AK7: variants seen among roughly 807,000 people sequenced by gnomAD.
AK7 encodes ATP-AMP transphosphorylase 7.
AK7 carries 78 observed loss-of-function variants against 96.6 expected under a neutral mutation model. The observed-to-expected ratio is 0.81, with a 90% CI of 0.67 to 0.97. The LOEUF (loss-of-function observed/expected upper bound fraction) is 0.97, where lower values mean the gene tolerates loss of function less well. Ranked by LOEUF, AK7 falls within the 50% of genes least tolerant of loss-of-function variation. The pLI, the probability that AK7 is intolerant of heterozygous loss-of-function variation, is 0.00. For missense variants in AK7, 855 were observed against 887.9 expected (o/e 0.96, Z 0.47); for synonymous variants, 302 against 317.2 (o/e 0.95, Z 0.51).
At chr14:96,442,635 G>T in intron 6 of AK7, 95 bp from the exon 7 acceptor site, 1 of 915,348 alleles carries the variant, frequency 1.1e-6, no homozygotes, top group East Asian at 2.4e-5. Context: ...AGATAGCTAG[G>T]CCTTTCAGTT....
intron 4 of AK7, among the ~76,000 whole-genome samples, chr14:96,418,422 C>T (rs1454337011): frequency 1.3e-5 from 2 of 151,336 alleles, no homozygotes; most frequent in Admixed American, 1.3e-4. Flanking sequence ...GATAATCTGG[C>T]TCTCACCTAC....
intron 5 of AK7, among the ~76,000 whole-genome samples, chr14:96,437,043 AGAGAGTAGAGGCT>A (rs1892676513): frequency 8.1e-6 from 1 of 123,898 alleles, no homozygotes; most frequent in South Asian, 3.0e-4. Context: ...ATATTGAGGC[AGAGAGTAGAGGCT>A]GAGAAGGGTA....
chr14:96,392,364 G>A (rs1595359655), intron 1 of AK7, 105 bp downstream of exon 1: 2 of 1,012,986 alleles, frequency 2.0e-6, no homozygotes, highest in East Asian at 5.0e-5. Context: ...GGCGCTGTCG[G>A]GGCCTTTCCT....
chr14:96,461,020 T>C (rs1241019324), intron 12 of AK7, among the ~76,000 whole-genome samples: 1 of 152,202 alleles, frequency 6.6e-6, no homozygotes, highest in Non-Finnish European at 1.5e-5. Context: ...TTCTGCTTCA[T>C]TGTGAGCTGC....
intron 14 of AK7, among the ~76,000 whole-genome samples, chr14:96,477,362 C>A (rs536280527): frequency 1.3e-5 from 2 of 152,150 alleles, no homozygotes; most frequent in Non-Finnish European, 2.9e-5. Flanking sequence ...TGCAAGTAAA[C>A]GAGAATGGCA....
At position 96,488,515 on chromosome 14, in the gene AK7, T is replaced by A; in HGVS notation, c.*172T>A. ...AAGCTATATGACATGACTATGTCATTAAAACTATATTTGAAATGTAAATTG... is the reference window on the plus strand; with the variant it reads ...AAGCTATATGACATGACTATGTCATAAAAACTATATTTGAAATGTAAATTG... On this transcript the variant is annotated 3_prime_UTR_variant, in exon 18 of 18. Coordinates refer to ENST00000267584, the MANE Select transcript of AK7 (RefSeq NM_152327.5). 1.9e-6 allele frequency: 1 copy of A among 520,924 alleles called. No homozygotes were observed. Among genetic ancestry groups the A allele is most frequent in the Non-Finnish European group, 3.4e-6 (1 of 292,172 alleles). 32.3% of individuals were successfully genotyped at this position (520,924 alleles called of 1,614,324 possible).
chr14:96,450,283 A>G (rs1169370525), intron 9 of AK7, among the ~76,000 whole-genome samples: 2 of 151,986 alleles, frequency 1.3e-5, no homozygotes, highest in Non-Finnish European at 2.9e-5. Context: ...GGGCATGGTG[A>G]CACATGCCTG....
intron 1 of AK7, among the ~76,000 whole-genome samples, chr14:96,394,704 A>G (rs1889958917): frequency 6.6e-6 from 1 of 152,246 alleles, no homozygotes; most frequent in Non-Finnish European, 1.5e-5. Context: ...GGCTGGGCAC[A>G]GTGGCTCATG....
intron 4 of AK7, among the ~76,000 whole-genome samples, chr14:96,417,064 C>T (rs868395188): frequency 6.6e-6 from 1 of 152,166 alleles, no homozygotes. Flanking sequence ...AGGGCAAATC[C>T]AGAAGAGGGG....
At chr14:96,456,583 A>G in intron 11 of AK7, 108 bp downstream of exon 11, 2 of 1,349,508 alleles carry the variant, frequency 1.5e-6, no homozygotes, top group Non-Finnish European at 2.0e-6. Flanking sequence ...AGTTTAGATG[A>G]TCCCAATTTT....
intron 10 of AK7, 115 bp downstream of exon 10, chr14:96,451,685 C>G: frequency 8.8e-7 from 1 of 1,137,772 alleles, no homozygotes; most frequent in Non-Finnish European, 1.1e-6. Context: ...TTTCTAATTT[C>G]AAGTTTTTCA....
At chr14:96,466,146 G>A (rs1161122158) in intron 12 of AK7, among the ~76,000 whole-genome samples, 2 of 151,212 alleles carry the variant, frequency 1.3e-5, no homozygotes, top group Admixed American at 1.3e-4. Context: ...GCTCACTGCA[G>A]CCCCTATCTC....
At chr14:96,461,768 T>C (rs1894261055) in intron 12 of AK7, among the ~76,000 whole-genome samples, 2 of 152,090 alleles carry the variant, frequency 1.3e-5, no homozygotes, top group South Asian at 4.1e-4. Context: ...GTATTTTTAG[T>C]AGAGACGGGG....
At chr14:96,468,565 G>A (rs369513133) in intron 12 of AK7, among the ~76,000 whole-genome samples, 1 of 151,942 alleles carries the variant, frequency 6.6e-6, no homozygotes, top group Non-Finnish European at 1.5e-5. Flanking sequence ...CCAAAGTGCT[G>A]GGATTACAGG....
At chr14:96,468,073 C>CAAAAA (rs35563628) in intron 12 of AK7, among the ~76,000 whole-genome samples, 11 of 79,074 alleles carry the variant, frequency 1.4e-4, no homozygotes, top group East Asian at 3.5e-4. Flanking sequence ...CCCGTCTCTA[C>CAAAAA]AAAAAAAAAA....
intron 3 of AK7, among the ~76,000 whole-genome samples, chr14:96,408,226 T>C (rs770742929): frequency 6.6e-6 from 1 of 152,154 alleles, no homozygotes; most frequent in Non-Finnish European, 1.5e-5. Flanking sequence ...TACTTTCTGA[T>C]GTGGGGCCTC....
At chr14:96,469,273 C>A (rs1384145358) in intron 12 of AK7, among the ~76,000 whole-genome samples, 1 of 152,214 alleles carries the variant, frequency 6.6e-6, no homozygotes, top group African/African-American at 2.4e-5. Flanking sequence ...GTAATCCCAG[C>A]ACTTTGGGAA....
chr14:96,400,637 A>G (rs1890356091), intron 2 of AK7, among the ~76,000 whole-genome samples: 1 of 152,178 alleles, frequency 6.6e-6, no homozygotes, highest in Admixed American at 6.5e-5. Context: ...GCCTTAGTTC[A>G]TACACAGTGA....
intron 2 of AK7, among the ~76,000 whole-genome samples, chr14:96,401,648 A>G (rs888062116): frequency 2.6e-5 from 4 of 152,294 alleles, no homozygotes; most frequent in African/African-American, 2.4e-5. Flanking sequence ...CATATGCTCA[A>G]ATTGGAATGA....
Sources: allele counts gnomAD v4.1 joint callset (sites outside exome capture counted in the v4.1 genomes callset), GRCh38; gene constraint gnomAD v4.1.1; transcripts MANE v1.5; gene names NCBI Gene and HGNC (gene_info 2026-07-23, HGNC 2026-07-21).